ITFG2: variants seen among roughly 807,000 people sequenced by gnomAD.
ITFG2 encodes the protein integrin alpha FG-GAP repeat containing 2.
ITFG2 carries 36 observed loss-of-function variants against 54.4 expected under a neutral mutation model. That is an observed-to-expected ratio of 0.66 (90% CI 0.51 to 0.87). The LOEUF is 0.87. ITFG2 is among the 40% of genes least tolerant of loss of function. ITFG2 has a pLI of 0.00. For missense variants in ITFG2, 524 were observed against 576.7 expected (o/e 0.91, Z 0.94); for synonymous variants, 211 against 225.4 (o/e 0.94, Z 0.57).
chr12:2,829,016 A>G (rs1350713738), downstream of ITFG2, among the ~76,000 whole-genome samples: 2 of 152,070 alleles, frequency 1.3e-5, no homozygotes, highest in African/African-American at 4.8e-5. Context: ...CCTAGGCAAC[A>G]TAGCAAGACT....
chr12:2,845,080 T>C lies in ITFG2; in HGVS notation n.300+4085T>C, dbSNP rs886618202. On this transcript the variant is annotated intron_variant and non_coding_transcript_variant, in intron 2 of 3. Coordinates refer to the ITFG2 transcript ENST00000537710. This position sits in a 1 kb window ranked among gnomAD's most constrained non-coding sequence, Gnocchi z 4.2. ...GATGGCAGGTGGGCAGCAGCCACTA[T>C]TGACACTGTGTAATGAAAAGAGCAA... Among the ~76,000 whole-genome samples, 3 of 152,092 alleles carry C rather than the reference T, an allele frequency of 2.0e-5. No homozygotes were observed. Among genetic ancestry groups the C allele is most frequent in the African/African-American group, 7.2e-5 (3 of 41,426 alleles).
intron 3 of ITFG2, chr12:2,859,444 C>T (rs867759051): frequency 1.2e-6 from 2 of 1,613,920 alleles, no homozygotes; most frequent in African/African-American, 1.3e-5. Context: ...GATGATTCCT[C>T]TTTGAAAGAT....
At position 2,824,282 on chromosome 12, in the gene ITFG2, A is replaced by G. The variant is rs750090872; in HGVS notation, c.*89A>G. On this transcript the variant is annotated 3_prime_UTR_variant, in exon 12 of 12. Transcript: ENST00000228799. ...CTGTGGTATTGGCAGGATAGGGAAT[A>G]TGCATTACAGAAATGCAGGATTTGA... The G allele has an allele frequency of 1.1e-5, 14 of 1,317,814 alleles. No homozygotes were observed. The highest frequency in any genetic ancestry group is 1.4e-5 in the African/African-American group (1 of 69,122). 81.6% of individuals were successfully genotyped at this position (1,317,814 alleles called of 1,614,324 possible). A position where few individuals can be genotyped will look rare whatever the true frequency, so the allele number is the denominator to read the frequency against.
At chr12:2,831,611 C>G (rs188781977), downstream of ITFG2, among the ~76,000 whole-genome samples, 1 of 151,976 alleles carries the variant, frequency 6.6e-6, no homozygotes, top group Admixed American at 6.6e-5. Context: ...AAAAAAAACT[C>G]TTAAGAACTA....
At chr12:2,821,628 G>C (rs764117956) in intron 8 of ITFG2, 32 bp downstream of exon 8, 4 of 1,613,858 alleles carry the variant, frequency 2.5e-6, no homozygotes, top group South Asian at 1.1e-5. Context: ...TGTGGGGGCT[G>C]TATGCCTGTA....
Position 2,823,482 on chromosome 12 carries a change from A to G in ITFG2, c.1067-288A>G, listed in dbSNP as rs903665015. On this transcript the variant is annotated intron_variant, in intron 10 of 11. Coordinates refer to ENST00000228799, the MANE Select transcript of ITFG2 (RefSeq NM_018463.4). ...TGGGCGAGCAATGCCATCCCTCATC[A>G]CTCCAGGGATATCACTAAGATGGGA... Among the ~76,000 whole-genome samples the G allele has an allele frequency of 2.6e-5, 4 of 152,224 alleles. No individual in the cohort carries two copies. The East Asian group carries it at 5.8e-4, about 22-fold the overall frequency.
intron 10 of ITFG2, 51 bp downstream of exon 10, chr12:2,822,962 C>T (rs763342654): frequency 3.2e-5 from 43 of 1,362,134 alleles, no homozygotes; most frequent in East Asian, 4.6e-5. Flanking sequence ...GTTAGATAGG[C>T]GTGTTAGGCA....
At chr12:2,834,875 G>A (rs749967053), upstream of ITFG2, 6 of 1,613,654 alleles carry the variant, frequency 3.7e-6, no homozygotes, top group Non-Finnish European at 2.5e-6. Flanking sequence ...CTCGGTGGGG[G>A]CGTCACCGAG....
chr12:2,853,862 C>T (rs1307019078), intron 2 of ITFG2, among the ~76,000 whole-genome samples: 1 of 152,134 alleles, frequency 6.6e-6, no homozygotes, highest in Non-Finnish European at 1.5e-5. Flanking sequence ...GACTTCTCAG[C>T]CCTGCCTGGA....
intron 2 of ITFG2, among the ~76,000 whole-genome samples, chr12:2,850,682 T>C (rs1565448291): frequency 1.3e-5 from 2 of 151,420 alleles, no homozygotes; most frequent in African/African-American, 4.9e-5. Flanking sequence ...TGTTTTGTTT[T>C]GTTTTGTTGA....
chr12:2,814,661 C>T (rs985472772), intron 1 of ITFG2, among the ~76,000 whole-genome samples: 1 of 151,824 alleles, frequency 6.6e-6, no homozygotes, highest in African/African-American at 2.4e-5. Flanking sequence ...GAAACTCCGT[C>T]TTTACAAAAA....
chr12:2,836,572 G>C (rs756704811), upstream of ITFG2, among the ~76,000 whole-genome samples: 1 of 152,174 alleles, frequency 6.6e-6, no homozygotes, highest in Non-Finnish European at 1.5e-5. Context: ...CCATTTAGAG[G>C]GAAAGAAAGT....
intron 3 of ITFG2, chr12:2,859,471 ACT>A: frequency 6.2e-7 from 1 of 1,613,688 alleles, no homozygotes; most frequent in Non-Finnish European, 8.5e-7. Context: ...GGGGAGGGCC[ACT>A]CTTCCAAGGG....
chr12:2,841,169 G>C (rs2098040180), intron 2 of ITFG2, among the ~76,000 whole-genome samples: 2 of 152,222 alleles, frequency 1.3e-5, no homozygotes, highest in Non-Finnish European at 2.9e-5. Flanking sequence ...TCTTGCTATG[G>C]AGAGAATAGG....
chr12:2,830,572 G>T, intron 2 of ITFG2: 2 of 913,814 alleles, frequency 2.2e-6, no homozygotes, highest in East Asian at 2.8e-5. Flanking sequence ...GAGGATCCTG[G>T]TTAGGTCCAG....
chr12:2,841,320 T>G (rs774623257), intron 2 of ITFG2, among the ~76,000 whole-genome samples: 38 of 152,214 alleles, frequency 2.5e-4, no homozygotes, highest in Non-Finnish European at 5.6e-4. Context: ...GGAGTACCAC[T>G]GAGTGCGTTC....
downstream of ITFG2, among the ~76,000 whole-genome samples, chr12:2,829,115 A>G (rs1244866580): frequency 6.6e-6 from 1 of 152,076 alleles, no homozygotes; most frequent in African/African-American, 2.4e-5. Context: ...AGAAATGGAG[A>G]AACGGTGATT....
Position 2,824,310 on chromosome 12 carries a change from C to T in ITFG2, c.*117C>T. On this transcript the variant is annotated 3_prime_UTR_variant, in exon 12 of 12. Transcript: ENST00000228799. ...CATTACAGAAATGCAGGATTTGACT[C>T]TGGGCATGAAAGATGGCAGCAGCCC... is the stretch of plus-strand genomic sequence containing the variant. The T allele has an allele frequency of 1.8e-6, 2 of 1,103,146 alleles. No homozygotes were observed. Among genetic ancestry groups the T allele is most frequent in the Non-Finnish European group, 2.7e-6 (2 of 739,104 alleles). 68.3% of individuals were successfully genotyped at this position (1,103,146 alleles called of 1,614,324 possible). A position where few individuals can be genotyped will look rare whatever the true frequency, so the allele number is the denominator to read the frequency against.
Position 2,812,775 on chromosome 12 carries a change from C to T in ITFG2, c.15C>T (p.Ser5=). 2 of 1,611,518 alleles carry T rather than the reference C, an allele frequency of 1.2e-6. No homozygotes were observed. The highest frequency in any genetic ancestry group is 1.7e-6 in the Non-Finnish European group (2 of 1,177,780). The change falls in exon 1 of 12, where the codon AGC becomes AGT. Residue 5 remains serine (S), a synonymous_variant. Transcript: ENST00000228799. MRSV[S]YVQRVALEFS... is the part of the protein sequence containing the mutation. ...TTGGAGGTGCCATGAGGTCAGTTAGCTACGTGCAGCGCGTGGCGCTGGAGT... is the reference window on the plus strand; with the variant it reads ...TTGGAGGTGCCATGAGGTCAGTTAGTTACGTGCAGCGCGTGGCGCTGGAGT...
Sources: allele counts gnomAD v4.1 joint callset (sites outside exome capture counted in the v4.1 genomes callset), GRCh38; gene constraint gnomAD v4.1.1; non-coding constraint Gnocchi (gnomAD v3.1); transcripts MANE v1.5; gene names NCBI Gene and HGNC (gene_info 2026-07-23, HGNC 2026-07-21).